The following SLCO5A1 variants were observed in gnomAD, a reference collection of about 807,000 sequenced individuals.
SLCO5A1 encodes solute carrier organic anion transporter family member 5A1.
A neutral mutation model predicts 65.1 loss-of-function variants in SLCO5A1; 39 were observed. The observed-to-expected ratio is 0.60, with a 90% CI of 0.46 to 0.78. SLCO5A1 has a LOEUF of 0.78. Among genes scored for constraint, SLCO5A1 ranks in the 30% least tolerant of loss-of-function variants. SLCO5A1 has a pLI of 0.00. For missense variants in SLCO5A1, 1,029 were observed against 1,069.4 expected, an observed-to-expected ratio of 0.96 and a Z score of 0.53; for synonymous variants, 438 against 415.7, an observed-to-expected ratio of 1.05 and a Z score of -0.65.
chr8:69,774,369 C>A (rs145430907), intron 2 of SLCO5A1, among the ~76,000 whole-genome samples: 142 of 152,294 alleles, frequency 9.3e-4, no homozygotes, highest in Middle Eastern at 3.4e-3. Flanking sequence ...CTGACTCTTA[C>A]CTTCTCCAGG....
In SLCO5A1 at chr8:69,722,558, C is replaced by T. The variant is rs1815875093; in HGVS notation, c.1423+15482G>A. Among the ~76,000 whole-genome samples the T allele has an allele frequency of 2.0e-5, 3 of 152,226 alleles. No individual in the cohort carries two copies. In the South Asian group the frequency reaches 6.2e-4, roughly 32 times the overall value. On this transcript the variant is annotated intron_variant, in intron 5 of 9. Transcript: ENST00000260126. The stretch of plus-strand genomic sequence containing the variant: ...GACACACCTTGTCCAAGATCACAAG[C>T]GAACAAAACAAAGACAGGACAAAAA...
At chr8:69,788,229 A>G (rs1057024526) in intron 2 of SLCO5A1, among the ~76,000 whole-genome samples, 1 of 152,222 alleles carries the variant, frequency 6.6e-6, no homozygotes, top group Non-Finnish European at 1.5e-5. Context: ...TTTGTGAAGT[A>G]TGCTCATCCC....
rs760163691 is a variant in SLCO5A1, at chr8:69,761,712, T to A, written c.1040+31A>T. The A allele has an allele frequency of 4.4e-6, 7 of 1,604,872 alleles. No homozygotes were observed. The Admixed American group carries it at 1.2e-4, about 28-fold the overall frequency. ...GACTTTAACTATTATTAGTAAGAAC[T>A]GAAATTTAAAAATTAGAAAACAGAA... On this transcript the variant is annotated intron_variant, in intron 3 of 9. Transcript: ENST00000260126.
chr8:69,735,706 C>G (rs1287449534), intron 5 of SLCO5A1, among the ~76,000 whole-genome samples: 1 of 149,862 alleles, frequency 6.7e-6, no homozygotes, highest in African/African-American at 2.5e-5. Context: ...GGGAAAATAG[C>G]TAATGCATGT....
At chr8:69,673,353 C>T (rs1451854424) in intron 9 of SLCO5A1, 27 bp from the exon 10 acceptor site, 4 of 1,577,336 alleles carry the variant, frequency 2.5e-6, no homozygotes, top group Non-Finnish European at 2.6e-6. Context: ...GAAGAAAATA[C>T]GAAGACTTAG....
intron 4 of SLCO5A1, among the ~76,000 whole-genome samples, chr8:69,749,274 C>T (rs1249948718): frequency 6.6e-6 from 1 of 152,204 alleles, no homozygotes; most frequent in African/African-American, 2.4e-5. Context: ...CCTATAATCA[C>T]CTCTGGTATC....
chr8:69,789,256 A>G (rs2130890734), intron 2 of SLCO5A1, among the ~76,000 whole-genome samples: 1 of 152,314 alleles, frequency 6.6e-6, no homozygotes, highest in South Asian at 2.1e-4. Flanking sequence ...TTATCCATTT[A>G]TTTTGTGTTT....
intron 2 of SLCO5A1, among the ~76,000 whole-genome samples, chr8:69,766,438 C>T (rs915819906): frequency 3.3e-5 from 5 of 152,170 alleles, no homozygotes; most frequent in African/African-American, 7.2e-5. Context: ...CTGGTCTCCT[C>T]GTTCTTTAAC....
At chr8:69,704,956 C>A in intron 6 of SLCO5A1, 75 bp downstream of exon 6, 4 of 1,383,904 alleles carry the variant, frequency 2.9e-6, no homozygotes, top group Non-Finnish European at 4.0e-6. Flanking sequence ...ATGAGGCTGA[C>A]TGCAGATGCA....
intron 2 of SLCO5A1, among the ~76,000 whole-genome samples, chr8:69,791,799 A>G (rs1255157391): frequency 6.6e-6 from 1 of 152,216 alleles, no homozygotes; most frequent in African/African-American, 2.4e-5. Context: ...CAAGAATTTA[A>G]AGACCTTCTC....
At chr8:69,749,851 C>T (rs985831840) in intron 4 of SLCO5A1, among the ~76,000 whole-genome samples, 4 of 151,636 alleles carry the variant, frequency 2.6e-5, no homozygotes, top group Non-Finnish European at 5.9e-5. Context: ...CTAAGGAGAA[C>T]ACTAAAGGCA....
chr8:69,757,244 G>A (rs1817577420), intron 3 of SLCO5A1, among the ~76,000 whole-genome samples: 1 of 152,054 alleles, frequency 6.6e-6, no homozygotes, highest in African/African-American at 2.4e-5. Flanking sequence ...AGTTTGTTCG[G>A]GGCAGACTTC....
intron 5 of SLCO5A1, among the ~76,000 whole-genome samples, chr8:69,721,586 T>C (rs939574831): frequency 6.6e-6 from 1 of 152,222 alleles, no homozygotes; most frequent in African/African-American, 2.4e-5. Flanking sequence ...AAATTACAAA[T>C]GTTTGTTATT....
intron 5 of SLCO5A1, among the ~76,000 whole-genome samples, chr8:69,720,150 T>C (rs1484642166): frequency 1.3e-5 from 2 of 152,250 alleles, no homozygotes; most frequent in Admixed American, 6.5e-5. Context: ...CAAAATCACA[T>C]ATTTTCAGAT....
intron 2 of SLCO5A1, among the ~76,000 whole-genome samples, chr8:69,818,953 T>A (rs186545543): frequency 6.6e-6 from 1 of 152,304 alleles, no homozygotes; most frequent in East Asian, 1.9e-4. Flanking sequence ...TTCAGCCTCA[T>A]GTTAGTTTTC....
At chr8:69,710,072 G>A (rs940075998) in intron 5 of SLCO5A1, among the ~76,000 whole-genome samples, 42 of 142,970 alleles carry the variant, frequency 2.9e-4, no homozygotes, top group African/African-American at 8.9e-4. Flanking sequence ...AGGCTAGAGT[G>A]CAGTGGTGTG....
intron 2 of SLCO5A1, among the ~76,000 whole-genome samples, chr8:69,813,990 T>G (rs779013399): frequency 7.9e-5 from 12 of 152,158 alleles, no homozygotes; most frequent in African/African-American, 2.9e-4. Context: ...ATCTATAAAA[T>G]GTGAGAAGTA....
At chr8:69,762,332 G>A (rs367585170) in intron 2 of SLCO5A1, among the ~76,000 whole-genome samples, 233 of 151,856 alleles carry the variant, frequency 1.5e-3, no homozygotes, top group Non-Finnish European at 2.5e-3. Context: ...GACTACAGGC[G>A]CCCGCCACCA....
Position 69,672,961 on chromosome 8 carries a change from G to A in SLCO5A1, c.2455C>T (p.Gln819Ter). The change falls in exon 10 of 10, where the codon CAG (glutamine) becomes TAG (stop). Residue 819 changes from glutamine (Q) to a stop codon, truncating the protein, a stop_gained. Coordinates refer to ENST00000260126, the MANE Select transcript of SLCO5A1 (RefSeq NM_030958.3). LOFTEE classifies it high-confidence loss of function. ...TCTGGGAAGGGCCCCGGGTAGGTCT[G>A]TGCTGCGCACTGGATCCCTTTTTGC... ...GLQKGIQCAAQTYPGPFPEAI... is the reference protein window; with the variant it reads ...GLQKGIQCAA The A allele has an allele frequency of 6.2e-7, 1 of 1,614,232 alleles. No homozygotes were observed. The highest frequency in any genetic ancestry group is 2.2e-5 in the East Asian group (1 of 44,876).
Sources: allele counts gnomAD v4.1 joint callset (sites outside exome capture counted in the v4.1 genomes callset), GRCh38; gene constraint gnomAD v4.1.1; transcripts MANE v1.5; gene names NCBI Gene and HGNC (gene_info 2026-07-23, HGNC 2026-07-21).